Variants in ATF7IP observed in about 807,000 individuals in gnomAD.
ATF7IP encodes activating transcription factor 7-interacting protein 1.
ATF7IP carries 23 observed loss-of-function variants against 106.4 expected under a neutral mutation model. The observed-to-expected ratio is 0.22, with a 90% CI of 0.16 to 0.31. The LOEUF (loss-of-function observed/expected upper bound fraction) is 0.31, where lower values mean the gene tolerates loss of function less well. Ranked by LOEUF, ATF7IP falls within the 10% of genes least tolerant of loss-of-function variation. The pLI, the probability that ATF7IP is intolerant of heterozygous loss-of-function variation, is 1.00. For synonymous variants in ATF7IP, 542 were observed against 539.0 expected, an observed-to-expected ratio of 1.01 and a Z score of -0.08; for missense variants, 1,334 against 1,524.3, an observed-to-expected ratio of 0.88 and a Z score of 2.08.
chr12:14,496,181 T>G, intron 13 of ATF7IP, 50 bp from the exon 14 acceptor site: 1 of 1,207,904 alleles, frequency 8.3e-7, no homozygotes, highest in African/African-American at 1.5e-5. Context: ...TTCCACCAAA[T>G]TTACAATAGA....
rs1007265338 is a variant in ATF7IP at position 14,425,403 on chromosome 12, T to C, written c.1488T>C (p.Ser496=). 6.2e-6 allele frequency: 10 copies of C among 1,606,964 alleles called. No individual in the cohort carries two copies. Among genetic ancestry groups the C allele is most frequent in the Middle Eastern group, 1.7e-4 (1 of 6,018 alleles). Residue 496 remains serine, a synonymous_variant, in exon 2 of 15, where the codon TCT becomes TCC. Coordinates refer to ENST00000261168, the MANE Select transcript of ATF7IP (RefSeq NM_018179.5). ...SLPKEAFLVL[S]DEEDISGEKD... ...CAAAAGAAGCCTTTCTGGTCCTCTC[T>C]GATGAAGAGGATATTTCGGGTGAAA...
chr12:14,374,651 A>G (rs1938662006), intron 1 of ATF7IP, among the ~76,000 whole-genome samples: 1 of 152,164 alleles, frequency 6.6e-6, no homozygotes, highest in South Asian at 2.1e-4. Context: ...AATTAGACAG[A>G]TAATACTAGT....
intron 6 of ATF7IP, among the ~76,000 whole-genome samples, chr12:14,452,164 T>G (rs145244315): frequency 1.6e-4 from 25 of 152,308 alleles, no homozygotes; most frequent in African/African-American, 6.0e-4. Context: ...TGGCCCATCC[T>G]TACTCTCTTC....
intron 1 of ATF7IP, among the ~76,000 whole-genome samples, chr12:14,402,146 G>A (rs1162686997): frequency 1.0e-3 from 35 of 33,678 alleles, no homozygotes; most frequent in Admixed American, 9.8e-3. Context: ...TTTTTTTTTT[G>A]AGATAGGGTC....
intron 13 of ATF7IP, among the ~76,000 whole-genome samples, chr12:14,494,333 A>ATATATATATATGTGTGTG (rs1234871100): frequency 3.5e-5 from 3 of 86,010 alleles, no homozygotes; most frequent in South Asian, 7.5e-4. Flanking sequence ...ATATATATAT[A>ATATATATATATGTGTGTG]TGTGTGTGTG....
At chr12:14,394,365 G>A (rs897760530) in intron 1 of ATF7IP, among the ~76,000 whole-genome samples, 3 of 152,082 alleles carry the variant, frequency 2.0e-5, no homozygotes, top group African/African-American at 7.2e-5. Context: ...TTCTTGTGGT[G>A]GGGGGTGGAA....
chr12:14,473,224 CA>C (rs1944119927), intron 10 of ATF7IP, among the ~76,000 whole-genome samples: 1 of 149,372 alleles, frequency 6.7e-6, no homozygotes, highest in Non-Finnish European at 1.5e-5. Flanking sequence ...TATTTTGTAT[CA>C]GTTTTTTTTA....
At chr12:14,412,440 CTTTAA>C (rs1384311432) in intron 1 of ATF7IP, among the ~76,000 whole-genome samples, 1 of 151,942 alleles carries the variant, frequency 6.6e-6, no homozygotes, top group Non-Finnish European at 1.5e-5. Flanking sequence ...TTATTTATGT[CTTTAA>C]TTTATTCAAT....
At chr12:14,463,155 T>G (rs537569310) in intron 9 of ATF7IP, among the ~76,000 whole-genome samples, 1 of 152,104 alleles carries the variant, frequency 6.6e-6, no homozygotes, top group Non-Finnish European at 1.5e-5. Context: ...CTCTACTACA[T>G]TTAGTAGTTT....
intron 1 of ATF7IP, among the ~76,000 whole-genome samples, chr12:14,423,574 CTTTTTTTTTTT>C: frequency 8.7e-5 from 3 of 34,428 alleles, no homozygotes; most frequent in Admixed American, 7.4e-4. Context: ...TCTTCAGGTA[CTTTTTTTTTTT>C]TTTTTTTTTT....
intron 12 of ATF7IP, among the ~76,000 whole-genome samples, chr12:14,480,086 A>G (rs1944386442): frequency 6.6e-6 from 1 of 152,158 alleles, no homozygotes; most frequent in Non-Finnish European, 1.5e-5. Context: ...TAGTATCTGT[A>G]AAGACTGAAG....
chr12:14,483,627 C>G (rs1944497406), intron 13 of ATF7IP, among the ~76,000 whole-genome samples: 1 of 152,042 alleles, frequency 6.6e-6, no homozygotes, highest in African/African-American at 2.4e-5. Context: ...GGTGCTACTT[C>G]CACTTCCACC....
intron 13 of ATF7IP, chr12:14,481,662 G>A (rs776924383): frequency 6.9e-6 from 3 of 432,668 alleles, no homozygotes; most frequent in South Asian, 3.4e-5. Flanking sequence ...TGCTCTGAGT[G>A]TTGTCTTTAA....
rs1941766572 is a variant in ATF7IP at position 14,425,063 on chromosome 12, A to G, written c.1148A>G (p.Glu383Gly). ...EDIITELALG[E>G]DAISSSMEID... ...ATTATCACAGAGCTTGCTCTTGGAG[A>G]AGATGCTATATCTAGCAGTATGGAA... is the stretch of plus-strand genomic sequence containing the variant. Residue 383 changes from glutamate (E) to glycine (G), a missense_variant, in exon 2 of 15, where the codon GAA (glutamate) becomes GGA (glycine). Physicochemically the swap from Glu to Gly is moderately conservative, Grantham distance 98 (BLOSUM62 -2). Around this residue, in one of 10 missense-constraint regions of ATF7IP, gnomAD observed 438 missense variants for 405.3 expected, o/e 1.08. Transcript: ENST00000261168. The G allele has an allele frequency of 6.2e-7, 1 of 1,603,638 alleles. No individual in the cohort carries two copies. Among genetic ancestry groups the G allele is most frequent in the Admixed American group, 1.7e-5 (1 of 57,328 alleles).
chr12:14,496,335 G>C lies in ATF7IP; in HGVS notation c.3385G>C (p.Val1129Leu). 1 of 1,611,572 alleles carries C rather than the reference G, an allele frequency of 6.2e-7. No individual in the cohort carries two copies. Among genetic ancestry groups the C allele is most frequent in the South Asian group, 1.1e-5 (1 of 90,978 alleles). ...QLTVHHRPPQ[V>L]HTEPPRPVHP... ...CACAGTGCATCACCGACCACCACAA[G>C]TGCATACTGTAAGTGTTGATGCTTG... Residue 1129 changes from valine (V) to leucine (L), a missense_variant, in exon 14 of 15, where the codon GTG becomes CTG. Transcript: ENST00000261168.
intron 2 of ATF7IP, among the ~76,000 whole-genome samples, chr12:14,426,823 C>CAAAAAAAAA (rs1491532843): frequency 1.1e-3 from 18 of 16,054 alleles, no homozygotes; most frequent in South Asian, 3.7e-3. Flanking sequence ...GACCCTGCCT[C>CAAAAAAAAA]AAAAAAAAAA....
intron 1 of ATF7IP, among the ~76,000 whole-genome samples, chr12:14,410,202 T>G (rs927820966): frequency 2.0e-5 from 3 of 152,190 alleles, no homozygotes; most frequent in African/African-American, 7.2e-5. Flanking sequence ...TTTCGTTTTC[T>G]GTGGTTTTAG....
rs1945136676 is a variant in ATF7IP, at chr12:14,500,703, AC to A, written c.*2631del. On this transcript the variant is annotated 3_prime_UTR_variant, in exon 15 of 15. Transcript: ENST00000261168. ...AACCTACAAAAGGTTCTCTTGATGA[AC>A]ATTTTTATTTATATTTACTAATCTT... The A allele has an allele frequency of 6.6e-6, 1 of 152,170 alleles. No homozygotes were observed. Among genetic ancestry groups the A allele is most frequent in the Admixed American group, 6.5e-5 (1 of 15,284 alleles). 9.4% of individuals were successfully genotyped at this position (152,170 alleles called of 1,614,324 possible).
intron 13 of ATF7IP, among the ~76,000 whole-genome samples, chr12:14,495,164 C>G (rs565871308): frequency 1.4e-4 from 22 of 152,226 alleles, no homozygotes; most frequent in Non-Finnish European, 2.9e-4. Context: ...ATTGTGCCCA[C>G]CAGATGAAGG....
Sources: allele counts gnomAD v4.1 joint callset (sites outside exome capture counted in the v4.1 genomes callset), GRCh38; gene constraint gnomAD v4.1.1; regional missense constraint gnomAD v4.1.1; transcripts MANE v1.5; gene names NCBI Gene and HGNC (gene_info 2026-07-23, HGNC 2026-07-21).